The following CCDC63 variants were observed in gnomAD, a reference collection of about 807,000 sequenced individuals.
The protein encoded by CCDC63 is coiled-coil domain containing 63, also known as coiled-coil domain-containing protein 63.
CCDC63 carries 54 observed loss-of-function variants against 63.6 expected under a neutral mutation model. That is an observed-to-expected ratio of 0.85 (90% CI 0.68 to 1.07). The LOEUF is 1.07. Ranked by LOEUF, CCDC63 falls within the 50% of genes least tolerant of loss-of-function variation. The probability of loss-of-function intolerance (pLI) is 0.00; values close to 1 mark genes in which losing one functional copy is unlikely to be tolerated. For missense variants in CCDC63, 637 were observed against 689.6 expected (o/e 0.92, Z 0.86); for synonymous variants, 253 against 266.1 (o/e 0.95, Z 0.48).
At chr12:110,875,328 T>C (rs1231591300) in intron 5 of CCDC63, among the ~76,000 whole-genome samples, 1 of 152,234 alleles carries the variant, frequency 6.6e-6, no homozygotes, top group Non-Finnish European at 1.5e-5. Flanking sequence ...AAGGTCCCAT[T>C]GGTTAAGAAT....
chr12:110,848,437 C>G (rs141928539), intron 1 of CCDC63, among the ~76,000 whole-genome samples: 3 of 152,034 alleles, frequency 2.0e-5, no homozygotes, highest in Admixed American at 1.3e-4. Context: ...GGGCACTGAT[C>G]GAAAGGGAAA....
chr12:110,848,512 C>T (rs566300754), intron 1 of CCDC63, among the ~76,000 whole-genome samples: 131 of 152,138 alleles, frequency 8.6e-4, no homozygotes, highest in African/African-American at 3.1e-3. Context: ...ACTATGTATG[C>T]GCATATGGAT....
At chr12:110,879,135 T>C (rs2071168020) in intron 5 of CCDC63, among the ~76,000 whole-genome samples, 1 of 152,208 alleles carries the variant, frequency 6.6e-6, no homozygotes, top group Non-Finnish European at 1.5e-5. Context: ...TATTACACCC[T>C]ACAAAATGAA....
At chr12:110,846,554 T>A (rs1465789218), upstream of CCDC63, among the ~76,000 whole-genome samples, 2 of 152,124 alleles carry the variant, frequency 1.3e-5, no homozygotes, top group African/African-American at 4.8e-5. Context: ...AATTTATTTT[T>A]ACTTTATTTT....
chr12:110,889,211 G>A lies in CCDC63; in HGVS notation c.1075-3865G>A, dbSNP rs79141506. 0.034 allele frequency among the ~76,000 whole-genome samples: 5,117 copies of A among 152,234 alleles called. 288 individuals carry two copies. The highest frequency in any genetic ancestry group is 0.12 in the African/African-American group (4,857 of 41,512). ...CAAGTATTTATTGAGCACCTACTGC[G>A]TTCCAGACACTGCTCTAGACCCTGA... On this transcript the variant is annotated intron_variant, in intron 8 of 11. Coordinates refer to ENST00000308208, the MANE Select transcript of CCDC63 (RefSeq NM_152591.3). This position sits in a 1 kb window ranked among gnomAD's most constrained non-coding sequence, Gnocchi z 4.1.
chr12:110,846,524 C>A (rs529479119), upstream of CCDC63, among the ~76,000 whole-genome samples: 1 of 152,020 alleles, frequency 6.6e-6, no homozygotes. Context: ...CTTTCCCCCC[C>A]CGCCCCAACA....
intron 1 of CCDC63, among the ~76,000 whole-genome samples, chr12:110,847,318 C>G (rs1029664982): frequency 1.3e-5 from 2 of 152,188 alleles, no homozygotes; most frequent in Non-Finnish European, 2.9e-5. Context: ...AATTCTAGCA[C>G]TTTGGGAGGC....
At position 110,893,115 on chromosome 12, in the gene CCDC63, C is replaced by G. The variant is rs2071378161; in HGVS notation, c.1114C>G (p.His372Asp). Reference sequence around the variant, plus strand: ...CTTGCGATCCCAGCAGAAATTGTCCCACGATGACAACCACTCTGTCCTGAG... The same window carrying G: ...CTTGCGATCCCAGCAGAAATTGTCCGACGATGACAACCACTCTGTCCTGAG... Reference protein sequence around the residue: ...ILLRSQQKLSHDDNHSVLRQL... With the variant: ...ILLRSQQKLSDDDNHSVLRQL... The change falls in exon 9 of 12, where the codon CAC (histidine) becomes GAC (aspartate). Residue 372 changes from histidine (H) to aspartate (D), a missense_variant. By Grantham distance (81) the His-to-Asp change is moderately conservative. Transcript: ENST00000308208. 6.2e-7 allele frequency: 1 copy of G among 1,614,000 alleles called. No homozygotes were observed. Among genetic ancestry groups the G allele is most frequent in the African/African-American group, 1.3e-5 (1 of 74,918 alleles).
chr12:110,884,306 C>A, intron 8 of CCDC63, 56 bp downstream of exon 8: 1 of 1,414,656 alleles, frequency 7.1e-7, no homozygotes, highest in Non-Finnish European at 1.0e-6. Context: ...AGCAGCCTTT[C>A]CAGGGCAGTC....
chr12:110,845,990 C>G (rs1488801826), upstream of CCDC63: 5 of 144,770 alleles, frequency 3.5e-5, no homozygotes, highest in Non-Finnish European at 7.6e-5. Flanking sequence ...AAGAAATACA[C>G]AGGGTTTCAC....
Position 110,893,160 on chromosome 12 carries a change from G to A in CCDC63, c.1149+10G>A. 6.2e-7 allele frequency: 1 copy of A among 1,610,248 alleles called. No individual in the cohort carries two copies. Among genetic ancestry groups the A allele is most frequent in the Non-Finnish European group, 8.5e-7 (1 of 1,176,698 alleles). On this transcript the variant is annotated intron_variant, in intron 9 of 11. Transcript: ENST00000308208. ...CCTGAGACAGCTGGAGGTGAGAACA[G>A]GATCGGGAGGGAGGGATGCGGGAGC...
intron 3 of CCDC63, among the ~76,000 whole-genome samples, chr12:110,858,159 A>AAATAAAATAAAATAAAATAT (rs1291422307): frequency 1.4e-5 from 2 of 140,354 alleles, no homozygotes; most frequent in African/African-American, 5.9e-5. Context: ...AAATAAAATA[A>AAATAAAATAAAATAAAATAT]AAAATAAAAT....
intron 5 of CCDC63, among the ~76,000 whole-genome samples, chr12:110,879,687 TAC>T (rs1203062919): frequency 1.3e-5 from 2 of 152,166 alleles, no homozygotes; most frequent in Non-Finnish European, 2.9e-5. Flanking sequence ...GAATTTGAAA[TAC>T]AGTAGTAAAA....
At chr12:110,882,526 C>G (rs558209232) in intron 7 of CCDC63, among the ~76,000 whole-genome samples, 1 of 151,456 alleles carries the variant, frequency 6.6e-6, no homozygotes, top group East Asian at 1.9e-4. Context: ...GCTATGATTG[C>G]GCCACTCCAG....
intron 9 of CCDC63, among the ~76,000 whole-genome samples, chr12:110,897,961 C>T (rs139392087): frequency 1.3e-5 from 2 of 152,120 alleles, no homozygotes; most frequent in African/African-American, 2.4e-5. Context: ...GAACTTCTGG[C>T]CTCAGGTGGA....
chr12:110,867,671 C>T (rs1166935614), intron 4 of CCDC63, among the ~76,000 whole-genome samples: 20 of 115,606 alleles, frequency 1.7e-4, no homozygotes, highest in East Asian at 2.6e-4. Context: ...CGCCCCTCAC[C>T]TCCCAGACGG....
chr12:110,848,826 A>G (rs1165990274), intron 1 of CCDC63, among the ~76,000 whole-genome samples: 2 of 152,224 alleles, frequency 1.3e-5, no homozygotes, highest in Non-Finnish European at 2.9e-5. Context: ...ATGGTGCATT[A>G]CAAATCCACT....
At chr12:110,871,506 T>TTC (rs2071066657) in intron 4 of CCDC63, among the ~76,000 whole-genome samples, 1 of 113,728 alleles carries the variant, frequency 8.8e-6, no homozygotes, top group Non-Finnish European at 2.0e-5. Context: ...TTCCTTCCTT[T>TTC]CTTTCTTTCC....
intron 4 of CCDC63, among the ~76,000 whole-genome samples, chr12:110,869,175 A>T (rs12816507): frequency 0.21 from 31,685 of 152,088 alleles, 3,499 homozygotes; most frequent in African/African-American, 0.25. Flanking sequence ...TCCCAGCTGG[A>T]GGCTGACAAA....
Sources: gnomAD v4.1 joint callset for allele counts (sites outside exome capture counted in the v4.1 genomes callset) on GRCh38, gnomAD v4.1.1 for gene constraint, Gnocchi (gnomAD v3.1) non-coding constraint, MANE v1.5 for transcripts, NCBI Gene and HGNC (gene_info 2026-07-23, HGNC 2026-07-21) for gene names.